The following DLC1 variants were observed in gnomAD, a reference collection of about 807,000 sequenced individuals.
The protein encoded by DLC1 is rho GTPase-activating protein 7.
A neutral mutation model predicts 140.3 loss-of-function variants in DLC1; 54 were observed. The ratio of observed to expected loss-of-function variants is 0.38; its 90% CI spans 0.31 to 0.48. The LOEUF (loss-of-function observed/expected upper bound fraction) is 0.48. Ranked by LOEUF, DLC1 falls within the 20% of genes least tolerant of loss-of-function variation. The probability of loss-of-function intolerance (pLI) is 0.96; values close to 1 mark genes in which losing one functional copy is unlikely to be tolerated. For missense variants in DLC1, 2,536 were observed against 1,907.0 expected, an observed-to-expected ratio of 1.33 and a Z score of -6.14; for synonymous variants, 986 against 728.1, an observed-to-expected ratio of 1.35 and a Z score of -5.70.
At chr8:13,253,006 T>C (rs2117292825) in intron 5 of DLC1, among the ~76,000 whole-genome samples, 1 of 152,328 alleles carries the variant, frequency 6.6e-6, no homozygotes, top group African/African-American at 2.4e-5. Flanking sequence ...GAAGCTAGAA[T>C]AGGTTCACAA....
At chr8:13,330,040 C>A (rs887680516) in intron 4 of DLC1, among the ~76,000 whole-genome samples, 5 of 152,284 alleles carry the variant, frequency 3.3e-5, no homozygotes, top group South Asian at 2.1e-4. Flanking sequence ...TCGTAGCTCA[C>A]TGCAGCCTCT....
chr8:13,121,822 G>A (rs541141447), intron 5 of DLC1, among the ~76,000 whole-genome samples: 1 of 152,032 alleles, frequency 6.6e-6, no homozygotes, highest in Non-Finnish European at 1.5e-5. Context: ...CAAAGTGCTG[G>A]GATTACAGGC....
chr8:13,203,603 G>T (rs1396224647), intron 5 of DLC1, among the ~76,000 whole-genome samples: 2 of 152,174 alleles, frequency 1.3e-5, no homozygotes, highest in African/African-American at 2.4e-5. Flanking sequence ...TGATAGACTA[G>T]TTTTCCATCC....
Position 13,133,152 on chromosome 8 carries a change from G to A in DLC1, c.1349-17495C>T, listed in dbSNP as rs1223769419. ...CGTCACGGCCCCAGAAAGAAAGCGG[G>A]GTTTTCTAAAGATCGAAACGAGGGA... On this transcript the variant is annotated intron_variant, in intron 5 of 17. Transcript: ENST00000276297. The A allele has an allele frequency of 4.8e-6, 7 of 1,445,180 alleles. No homozygotes were observed. The Admixed American group carries it at 1.1e-4, about 23-fold the overall frequency. 89.5% of individuals were successfully genotyped at this position (1,445,180 alleles called of 1,614,324 possible).
intron 2 of DLC1, among the ~76,000 whole-genome samples, chr8:13,452,010 C>G (rs1194375926): frequency 6.6e-6 from 1 of 151,998 alleles, no homozygotes; most frequent in African/African-American, 2.4e-5. Flanking sequence ...GTTCTATTGG[C>G]TATTTTTTTA....
At chr8:13,143,935 G>A (rs1471857353) in intron 5 of DLC1, among the ~76,000 whole-genome samples, 1 of 152,000 alleles carries the variant, frequency 6.6e-6, no homozygotes, top group Non-Finnish European at 1.5e-5. Context: ...GAATGGAGAA[G>A]GCTTTAAGAG....
intron 5 of DLC1, among the ~76,000 whole-genome samples, chr8:13,291,083 A>G (rs1831739549): frequency 6.6e-6 from 1 of 152,034 alleles, no homozygotes; most frequent in Non-Finnish European, 1.5e-5. Flanking sequence ...AATTTTTTGT[A>G]TTTTTAGTAG....
rs572410185 is a variant in DLC1, at chr8:13,228,673, C to G, written c.1348+76596G>C. 2.0e-5 allele frequency among the ~76,000 whole-genome samples: 3 copies of G among 152,240 alleles called. No homozygotes were observed. In the East Asian group the frequency reaches 5.8e-4, roughly 29 times the overall value. On this transcript the variant is annotated intron_variant, in intron 5 of 17. Coordinates refer to ENST00000276297, the MANE Select transcript of DLC1 (RefSeq NM_182643.3). ...GCTGAGGCAAGAAGATTGCTTCAGC[C>G]CAGGAGGCTGCAGTGAACTATGGTC...
chr8:13,228,236 A>T (rs1001367453), intron 5 of DLC1, among the ~76,000 whole-genome samples: 5 of 152,092 alleles, frequency 3.3e-5, no homozygotes, highest in African/African-American at 1.2e-4. Flanking sequence ...ATGGTTCTGA[A>T]ATATGCTTTA....
Position 13,567,399 on chromosome 8 carries a change from AG to A in DLC1, c.-126+37137del, listed in dbSNP as rs1348836564. 5 of 1,551,678 alleles carry A rather than the reference AG, an allele frequency of 3.2e-6. No homozygotes were observed. In the African/African-American group the frequency reaches 6.8e-5, roughly 21 times the overall value. On this transcript the variant is annotated intron_variant, in intron 1 of 1. Coordinates refer to the DLC1 transcript ENST00000631382. ...TGAAGATAAATTTGATTCATCGTAGAGGGGATTCTAAGAAGAAGACGAGCAG... is the reference window on the plus strand; with the variant it reads ...TGAAGATAAATTTGATTCATCGTAGAGGGATTCTAAGAAGAAGACGAGCAG...
intron 4 of DLC1, among the ~76,000 whole-genome samples, chr8:13,351,786 T>A (rs1190374059): frequency 1.3e-5 from 2 of 152,266 alleles, no homozygotes; most frequent in African/African-American, 2.4e-5. Context: ...TGGATGTCTA[T>A]GTTCTGACAC....
chr8:13,297,767 C>G (rs56191814), intron 5 of DLC1, among the ~76,000 whole-genome samples: 11,698 of 152,200 alleles, frequency 0.077, 511 homozygotes, highest in South Asian at 0.099. Context: ...ATTTGCATAT[C>G]TTGGAGCGTG....
At chr8:13,133,347 G>C in intron 5 of DLC1, 1 of 1,126,832 alleles carries the variant, frequency 8.9e-7, no homozygotes, top group Non-Finnish European at 1.1e-6. Context: ...CCGAGGGGCG[G>C]GGCCAGAGCG....
chr8:13,400,843 T>C (rs966076864), intron 3 of DLC1, among the ~76,000 whole-genome samples: 1 of 152,130 alleles, frequency 6.6e-6, no homozygotes, highest in Non-Finnish European at 1.5e-5. Context: ...GTAAAGCATA[T>C]AGTTGATCCT....
At chr8:13,593,416 A>T (rs2117479230) in intron 1 of DLC1, among the ~76,000 whole-genome samples, 1 of 152,238 alleles carries the variant, frequency 6.6e-6, no homozygotes, top group South Asian at 2.1e-4. Flanking sequence ...TTCAATTTGC[A>T]CTGATCGGTG....
intron 1 of DLC1, chr8:13,567,502 G>T: frequency 6.4e-7 from 1 of 1,552,028 alleles, no homozygotes; most frequent in Non-Finnish European, 8.7e-7. Flanking sequence ...TGTACCCGAT[G>T]AACTTTTGAA....
chr8:13,495,178 A>T (rs1801444612), intron 2 of DLC1, among the ~76,000 whole-genome samples: 1 of 152,200 alleles, frequency 6.6e-6, no homozygotes, highest in African/African-American at 2.4e-5. Context: ...TATAATTATT[A>T]TGGTTATTCA....
At chr8:13,449,832 G>T (rs1188741938) in intron 2 of DLC1, among the ~76,000 whole-genome samples, 4 of 151,998 alleles carry the variant, frequency 2.6e-5, no homozygotes, top group Non-Finnish European at 5.9e-5. Context: ...AAAAAATCCT[G>T]TGTTTCCATT....
intron 2 of DLC1, among the ~76,000 whole-genome samples, chr8:13,464,965 G>A (rs1393904161): frequency 6.6e-6 from 1 of 151,636 alleles, no homozygotes; most frequent in Non-Finnish European, 1.5e-5. Flanking sequence ...GTAATCTCCT[G>A]GGCTGATCTT....
Sources: gnomAD v4.1 joint callset for allele counts (sites outside exome capture counted in the v4.1 genomes callset) on GRCh38, gnomAD v4.1.1 for gene constraint, MANE v1.5 for transcripts, NCBI Gene and HGNC (gene_info 2026-07-23, HGNC 2026-07-21) for gene names.